The following FANCI variants were observed in gnomAD, a reference collection of about 807,000 sequenced individuals.
FANCI encodes FA complementation group I.
A neutral mutation model predicts 176.1 loss-of-function variants in FANCI; 156 were observed. The observed-to-expected ratio is 0.89, with a 90% CI of 0.78 to 1.01. FANCI has a LOEUF of 1.01. Ranked by LOEUF, FANCI falls within the 50% of genes least tolerant of loss-of-function variation. FANCI has a pLI of 0.00. For synonymous variants in FANCI, 613 were observed against 541.7 expected (o/e 1.13, Z -1.83); for missense variants, 1,678 against 1,534.1 (o/e 1.09, Z -1.57).
At chr15:89,260,614 TTC>T in intron 3 of FANCI, 97 bp from the exon 4 acceptor site, 1 of 1,472,594 alleles carries the variant, frequency 6.8e-7, no homozygotes, top group Non-Finnish European at 9.4e-7. Flanking sequence ...CGTTTGATAA[TTC>T]TGTTTTTTTG....
intron 8 of FANCI, 157 bp downstream of exon 8, chr15:89,264,183 C>G (rs1032873763): frequency 1.1e-6 from 1 of 875,846 alleles, no homozygotes; most frequent in Non-Finnish European, 1.9e-6. Context: ...TAGATGCTTT[C>G]ATTTCACATA....
At position 89,303,916 on chromosome 15, in the gene FANCI, G is replaced by A. The variant is rs149464307; in HGVS notation, c.3058+1G>A. 7 of 1,613,710 alleles carry A rather than the reference G, an allele frequency of 4.3e-6. No individual in the cohort carries two copies. The highest frequency in any genetic ancestry group is 5.9e-6 in the Non-Finnish European group (7 of 1,179,746). On this transcript the variant is annotated splice_donor_variant, in intron 28 of 37. Coordinates refer to ENST00000310775, the MANE Select transcript of FANCI (RefSeq NM_001113378.2). LOFTEE classifies it high-confidence loss of function. The stretch of plus-strand genomic sequence containing the variant: ...AAGATTTGCAAGGAAAACAGCCGGG[G>A]TAAGTTTACTGCCATGTTTTCCTAA...
At chr15:89,260,274 A>C (rs1245002183) in intron 3 of FANCI, among the ~76,000 whole-genome samples, 1 of 152,238 alleles carries the variant, frequency 6.6e-6, no homozygotes, top group African/African-American at 2.4e-5. Flanking sequence ...TGAAAATATC[A>C]AATGGAGATC....
intron 10 of FANCI, among the ~76,000 whole-genome samples, chr15:89,269,406 T>G (rs2053110951): frequency 6.6e-6 from 1 of 152,166 alleles, no homozygotes; most frequent in Non-Finnish European, 1.5e-5. Context: ...CAGCTGTGTT[T>G]TTTTTTTCCT....
At chr15:89,317,157 G>C, downstream of FANCI, 1 of 611,790 alleles carries the variant, frequency 1.6e-6, no homozygotes, top group Non-Finnish European at 2.9e-6. Flanking sequence ...GTAGGGGACA[G>C]GTACAGGTAG....
chr15:89,281,186 C>T lies in FANCI; in HGVS notation c.1398C>T (p.Ile466=), dbSNP rs201002833. Residue 466 remains isoleucine (I), a synonymous_variant, in exon 15 of 38, where the codon ATC becomes ATT. Transcript: ENST00000310775. ...ISHFLDLLSN[I]VMYAPLVLQS... Reference sequence around the variant, plus strand: ...GTTTTTCAGACCTGCTTTCAAATATCGTCATGTATGCACCCTTAGTTCTTC... The same window carrying T: ...GTTTTTCAGACCTGCTTTCAAATATTGTCATGTATGCACCCTTAGTTCTTC... 65 of 1,613,584 alleles carry T rather than the reference C, an allele frequency of 4.0e-5. No individual in the cohort carries two copies. In the East Asian group the frequency reaches 1.3e-3, roughly 31 times the overall value.
chr15:89,246,929 C>G (rs1389668140), intron 1 of FANCI, among the ~76,000 whole-genome samples: 1 of 151,732 alleles, frequency 6.6e-6, no homozygotes, highest in Non-Finnish European at 1.5e-5. Context: ...CCACGCCCAG[C>G]TAATTTTTTT....
At chr15:89,309,592 G>T (rs138006534) in intron 34 of FANCI, among the ~76,000 whole-genome samples, 27 of 152,198 alleles carry the variant, frequency 1.8e-4, no homozygotes, top group African/African-American at 6.5e-4. Context: ...TAAGCCAGGT[G>T]TTTGCCTATA....
Position 89,316,702 on chromosome 15 carries a change from C to T in FANCI, c.*243C>T, listed in dbSNP as rs758880377. The T allele has an allele frequency of 7.1e-7, 1 of 1,409,154 alleles. No individual in the cohort carries two copies. Among genetic ancestry groups the T allele is most frequent in the Admixed American group, 1.9e-5 (1 of 51,600 alleles). The allele number at this position is 1,409,154 out of a possible 1,614,324, so 87.3% of individuals were successfully genotyped here. A position where few individuals can be genotyped will look rare whatever the true frequency, so the allele number is the denominator to read the frequency against. On this transcript the variant is annotated 3_prime_UTR_variant, in exon 38 of 38. Transcript: ENST00000310775. ...GAAAGCCTGAGTTTGGGAGCCTGCACCACCCCGATGAAGCTCCACGGGAGC... is the reference window on the plus strand; with the variant it reads ...GAAAGCCTGAGTTTGGGAGCCTGCATCACCCCGATGAAGCTCCACGGGAGC...
chr15:89,300,604 A>G (rs982371192), intron 26 of FANCI, among the ~76,000 whole-genome samples: 3 of 152,212 alleles, frequency 2.0e-5, no homozygotes, highest in African/African-American at 7.2e-5. Flanking sequence ...TGCAATACTC[A>G]TTACTTCTAA....
Position 89,284,994 on chromosome 15 carries a change from G to A in FANCI, c.1699-102G>A, listed in dbSNP as rs975242649. On this transcript the variant is annotated intron_variant, in intron 17 of 37. Transcript: ENST00000310775. ...GTCTCACCCCTGGGGTTTGGCATGT[G>A]GAGGAAGCTAAGTTTTTTCGACCAA... 6.3e-6 allele frequency: 9 copies of A among 1,432,252 alleles called. No homozygotes were observed. The African/African-American group carries it at 9.8e-5, about 16-fold the overall frequency. 88.7% of individuals were successfully genotyped at this position (1,432,252 alleles called of 1,614,324 possible). A position where few individuals can be genotyped will look rare whatever the true frequency, so the allele number is the denominator to read the frequency against.
chr15:89,249,548 A>G (rs1009119935), intron 2 of FANCI, among the ~76,000 whole-genome samples: 1 of 152,110 alleles, frequency 6.6e-6, no homozygotes, highest in African/African-American at 2.4e-5. Context: ...GGGTTTCGCC[A>G]TGCTTTCCAG....
At chr15:89,262,763 A>G (rs2052768356) in intron 6 of FANCI, among the ~76,000 whole-genome samples, 1 of 152,256 alleles carries the variant, frequency 6.6e-6, no homozygotes, top group Non-Finnish European at 1.5e-5. Context: ...ACAACTGTCC[A>G]TGTCAGCATA....
At position 89,273,511 on chromosome 15, in the gene FANCI, TAAA is replaced by T. The variant is rs34985075; in HGVS notation, c.975+64_975+66del. The T allele has an allele frequency of 0.051, 23,580 of 458,742 alleles. No homozygotes were observed. The highest frequency in any genetic ancestry group is 0.063 in the East Asian group (1,451 of 23,162). The allele number at this position is 458,742 out of a possible 1,614,324, so 28.4% of individuals were successfully genotyped here. A position where few individuals can be genotyped will look rare whatever the true frequency, so the allele number is the denominator to read the frequency against. ...CCATTTTGTTTCTTTCTGTAGTTGGTAAAAAAAAAAAAAAAAAAAAAAAATCAC... is the reference window on the plus strand; with the variant it reads ...CCATTTTGTTTCTTTCTGTAGTTGGTAAAAAAAAAAAAAAAAAAAAATCAC... On this transcript the variant is annotated intron_variant, in intron 11 of 37. Transcript: ENST00000310775.
At chr15:89,263,866 G>C in intron 7 of FANCI, 37 bp from the exon 8 acceptor site, 1 of 1,613,378 alleles carries the variant, frequency 6.2e-7, no homozygotes, top group Non-Finnish European at 8.5e-7. Flanking sequence ...AAGGCAGTTA[G>C]ACACTGTCTA....
chr15:89,316,871 G>GTAAC lies in FANCI; in HGVS notation c.*414_*417dup. The GTAAC allele has an allele frequency of 7.3e-7, 1 of 1,376,188 alleles. No individual in the cohort carries two copies. The highest frequency in any genetic ancestry group is 1.0e-6 in the Non-Finnish European group (1 of 962,660). The allele number at this position is 1,376,188 out of a possible 1,614,324, so 85.2% of individuals were successfully genotyped here. On this transcript the variant is annotated 3_prime_UTR_variant, in exon 38 of 38. Coordinates refer to ENST00000310775, the MANE Select transcript of FANCI (RefSeq NM_001113378.2). The stretch of plus-strand genomic sequence containing the variant: ...TGGTTAGGATGCCACCTCAAGAACT[G>GTAAC]TAACTGAGAGCTCAGAAGTGAGCAA...
intron 16 of FANCI, 99 bp from the exon 17 acceptor site, chr15:89,283,036 AC>A: frequency 8.9e-7 from 1 of 1,123,486 alleles, no homozygotes; most frequent in South Asian, 1.3e-5. Context: ...CATTGTTTAT[AC>A]ATATGCCTTC....
At chr15:89,270,590 T>G (rs1224672808) in intron 10 of FANCI, among the ~76,000 whole-genome samples, 6 of 152,212 alleles carry the variant, frequency 3.9e-5, no homozygotes, top group Admixed American at 6.5e-5. Flanking sequence ...AATTGCATCT[T>G]TCTTTCGGCA....
At chr15:89,309,134 T>A (rs2054851836) in intron 34 of FANCI, among the ~76,000 whole-genome samples, 1 of 152,148 alleles carries the variant, frequency 6.6e-6, no homozygotes, top group Non-Finnish European at 1.5e-5. Context: ...TCAACTGTCA[T>A]AAAGCTATTA....
Sources: allele counts gnomAD v4.1 joint callset (sites outside exome capture counted in the v4.1 genomes callset), GRCh38; gene constraint gnomAD v4.1.1; transcripts MANE v1.5; gene names NCBI Gene and HGNC (gene_info 2026-07-23, HGNC 2026-07-21).